NBPF12: variants seen among roughly 807,000 people sequenced by gnomAD.
NBPF12 encodes the protein NBPF member 12.
NBPF12 carries 115 observed loss-of-function variants against 146.4 expected under a neutral mutation model. The observed-to-expected ratio is 0.79, with a 90% CI of 0.68 to 0.92. The LOEUF (loss-of-function observed/expected upper bound fraction) is 0.92, where lower values mean the gene tolerates loss of function less well. Among genes scored for constraint, NBPF12 ranks in the 40% least tolerant of loss-of-function variants. The pLI is 0.00. For synonymous variants in NBPF12, 385 were observed against 508.9 expected, an observed-to-expected ratio of 0.76 and a Z score of 3.28; for missense variants, 1,205 against 1,326.8, an observed-to-expected ratio of 0.91 and a Z score of 1.43.
intron 1 of NBPF12, 96 bp downstream of exon 1, chr1:146,939,108 A>AGTGCCGGG (rs1436727731): frequency 2.0e-5 from 3 of 152,120 alleles, no homozygotes; most frequent in Non-Finnish European, 4.4e-5. Flanking sequence ...TGCGCCGGGC[A>AGTGCCGGG]CTGCCGGGCT....
upstream of NBPF12, among the ~76,000 whole-genome samples, chr1:146,948,274 T>G (rs1655158952): frequency 6.6e-6 from 1 of 151,818 alleles, no homozygotes; most frequent in Admixed American, 6.6e-5. Flanking sequence ...CCTCTCAAAG[T>G]GCTAGGATTA....
At chr1:146,963,363 C>G in intron 6 of NBPF12, 54 bp downstream of exon 9, 1 of 1,587,544 alleles carries the variant, frequency 6.3e-7, no homozygotes, top group South Asian at 1.1e-5. Flanking sequence ...TGAGAGGCTC[C>G]AGACCTCCAT....
At chr1:146,954,738 C>CAT (rs1420074895) in intron 2 of NBPF12, among the ~76,000 whole-genome samples, 1 of 148,630 alleles carries the variant, frequency 6.7e-6, no homozygotes, top group Non-Finnish European at 1.5e-5. Flanking sequence ...AATTACTCTA[C>CAT]ATACAGCTAT....
chr1:146,964,526 G>T (rs1553885271), intron 7 of NBPF12, 97 bp downstream of exon 10: 2 of 1,573,826 alleles, frequency 1.3e-6, no homozygotes, highest in Non-Finnish European at 1.7e-6. Flanking sequence ...CCAAAAGCCC[G>T]CATTCCCTTG....
upstream of NBPF12, among the ~76,000 whole-genome samples, chr1:146,947,879 ACT>A (rs1655142412): frequency 6.6e-6 from 1 of 151,832 alleles, no homozygotes; most frequent in African/African-American, 2.4e-5. Context: ...TGTGCTGGTG[ACT>A]GGTATTTGTT....
chr1:146,971,793 G>T (rs1439400711), intron 13 of NBPF12, among the ~76,000 whole-genome samples: 1 of 150,708 alleles, frequency 6.6e-6, no homozygotes, highest in Non-Finnish European at 1.5e-5. Flanking sequence ...TTAATAAGAA[G>T]TCTTGGCCAG....
intron 19 of NBPF12, among the ~76,000 whole-genome samples, chr1:146,981,606 G>C (rs1216337179): frequency 2.0e-5 from 3 of 151,756 alleles, no homozygotes; most frequent in Admixed American, 6.6e-5. Flanking sequence ...GGCCTTCCTT[G>C]TTAGGTTGGG....
Position 146,966,672 on chromosome 1 carries a change from C to A in NBPF12, c.987C>A (p.Tyr329Ter). The change falls in exon 9 of 34, where the codon TAC becomes TAA. Residue 329 changes from tyrosine (Y) to a stop codon, truncating the protein, a stop_gained and splice_region_variant. Coordinates refer to ENST00000617844, the Ensembl canonical transcript of NBPF12. LOFTEE classifies it high-confidence loss of function. ...TCCTGGCCAAGCAGCAGAACAAATA[C>A]AGTAAGATCTACAGGCTCACCATCA... The A allele has an allele frequency of 7.5e-7, 1 of 1,332,420 alleles. No homozygotes were observed. The highest frequency in any genetic ancestry group is 1.1e-6 in the Non-Finnish European group (1 of 925,572). The allele number at this position is 1,332,420 out of a possible 1,614,324, so 82.5% of individuals were successfully genotyped here. A position where few individuals can be genotyped will look rare whatever the true frequency, so the allele number is the denominator to read the frequency against.
chr1:146,992,475 TGTG>T lies in NBPF12; in HGVS notation c.3849-236_3849-234del, dbSNP rs1658252427. ...CTCTCTCTCTCTCTGTGTGTGTGTG[TGTG>T]TGTGTGTGTGTGTGTGTGTGTGTGT... On this transcript the variant is annotated intron_variant, in intron 31 of 33. Transcript: ENST00000617844. 6.3e-5 allele frequency among the ~76,000 whole-genome samples: 8 copies of T among 127,022 alleles called. 1 individual carries two copies. The highest frequency in any genetic ancestry group is 2.4e-4 in the African/African-American group (8 of 33,122). The allele number at this position is 127,022 out of a possible 152,430, so 83.3% of individuals were successfully genotyped here.
At chr1:146,964,083 G>A (rs1185753503) in intron 6 of NBPF12, among the ~76,000 whole-genome samples, 3 of 137,298 alleles carry the variant, frequency 2.2e-5, no homozygotes, top group African/African-American at 8.5e-5. Flanking sequence ...AGCTGCCAAA[G>A]TCCAGAGAGA....
intron 10 of NBPF12, 40 bp downstream of exon 13, chr1:146,968,590 G>A: frequency 5.2e-6 from 8 of 1,540,588 alleles, no homozygotes; most frequent in African/African-American, 1.4e-5. Context: ...GGGCAGGTGT[G>A]TAAATCTCTG....
intron 12 of NBPF12, 140 bp from the exon 16 acceptor site, chr1:146,971,043 G>C (rs2101875533): frequency 7.5e-7 from 1 of 1,341,160 alleles, no homozygotes; most frequent in African/African-American, 1.5e-5. Context: ...AGGATTGCCT[G>C]TTCCCTCTTA....
At position 146,975,521 on chromosome 1, in the gene NBPF12, A is replaced by G. The variant is rs1193373358; in HGVS notation, c.1905-156A>G. Among the ~76,000 whole-genome samples, 8 of 145,748 alleles carry G rather than the reference A, an allele frequency of 5.5e-5. No homozygotes were observed. The South Asian group carries it at 6.6e-4, about 12-fold the overall frequency. ...AGAGGAAGCCTGTAAACCATTTTCT[A>G]TTCTTTCTCTTGGCCACAGACATTC... On this transcript the variant is annotated intron_variant, in intron 15 of 33. Coordinates refer to ENST00000617844, the Ensembl canonical transcript of NBPF12.
rs1290246190 is a variant in NBPF12 at position 146,957,979 on chromosome 1, ATGTG to A, written c.-183-1874_-183-1871del. Among the ~76,000 whole-genome samples the A allele has an allele frequency of 4.8e-3, 563 of 116,524 alleles. 16 individuals are homozygous for A. The highest frequency in any genetic ancestry group is 0.018 in the African/African-American group (537 of 30,574). The allele number at this position is 116,524 out of a possible 152,430, so 76.4% of individuals were successfully genotyped here. A position where few individuals can be genotyped will look rare whatever the true frequency, so the allele number is the denominator to read the frequency against. The stretch of plus-strand genomic sequence containing the variant: ...TATATATACGTGTATACATGTATAT[ATGTG>A]TGTGTATATATATATATACATGTGT... On this transcript the variant is annotated intron_variant, in intron 2 of 33. Coordinates refer to ENST00000617844, the Ensembl canonical transcript of NBPF12.
chr1:146,962,320 A>T, intron 5 of NBPF12, 57 bp downstream of exon 8: 2 of 1,403,980 alleles, frequency 1.4e-6, no homozygotes, highest in Non-Finnish European at 2.0e-6. Context: ...TCTGAAGTAC[A>T]GCAGCTCGGC....
rs1363575177 is a variant in NBPF12, at chr1:146,969,654, C to A, written c.1306+58C>A. On this transcript the variant is annotated intron_variant, in intron 11 of 33. Coordinates refer to ENST00000617844, the Ensembl canonical transcript of NBPF12. ...CCCCAGGCTTATGAGAGGCTCCAGA[C>A]CTCCATACTTTCACAATGACAGTTG... 17 of 1,541,092 alleles carry A rather than the reference C, an allele frequency of 1.1e-5. 1 individual carries two copies. The highest frequency in any genetic ancestry group is 1.0e-4 in the Admixed American group (6 of 59,420).
At chr1:146,939,398 CG>C (rs1193703043) in intron 1 of NBPF12, among the ~76,000 whole-genome samples, 22 of 152,098 alleles carry the variant, frequency 1.4e-4, no homozygotes, top group Middle Eastern at 3.4e-3. Flanking sequence ...TATTGGCCTC[CG>C]GGATTCTGCT....
intron 19 of NBPF12, among the ~76,000 whole-genome samples, chr1:146,981,526 T>C (rs1490047991): frequency 5.3e-5 from 8 of 151,592 alleles, no homozygotes; most frequent in South Asian, 4.2e-4. Flanking sequence ...CTGACAATTA[T>C]GTGTCCCGGG....
intron 20 of NBPF12, 139 bp downstream of exon 23, chr1:146,983,230 A>G (rs1254813484): frequency 1.9e-5 from 19 of 980,642 alleles, no homozygotes; most frequent in South Asian, 1.1e-4. Flanking sequence ...GTAGATTTCA[A>G]TCACTCTGGA....
Sources: allele counts gnomAD v4.1 joint callset (sites outside exome capture counted in the v4.1 genomes callset), GRCh38; gene constraint gnomAD v4.1.1; transcripts MANE v1.5; gene names NCBI Gene and HGNC (gene_info 2026-07-23, HGNC 2026-07-21).